The following CALCRL variants were observed in gnomAD, a reference collection of about 807,000 sequenced individuals.
CALCRL encodes the protein calcitonin receptor like receptor.
A neutral mutation model predicts 60.4 loss-of-function variants in CALCRL; 27 were observed. The ratio of observed to expected loss-of-function variants is 0.45; its 90% CI spans 0.33 to 0.62. CALCRL has a LOEUF of 0.62. CALCRL is among the 20% of genes least tolerant of loss of function. CALCRL has a pLI of 0.03. For missense variants in CALCRL, 424 were observed against 540.7 expected (o/e 0.78, Z 2.14); for synonymous variants, 190 against 182.6 (o/e 1.04, Z -0.33).
At position 187,352,140 on chromosome 2, in the gene CALCRL, TGTA is replaced by T; in HGVS notation, c.1099_1101del (p.Tyr367del). 2 of 1,612,308 alleles carry T rather than the reference TGTA, an allele frequency of 1.2e-6. No individual in the cohort carries two copies. The highest frequency in any genetic ancestry group is 1.7e-6 in the Non-Finnish European group (2 of 1,178,790). On this transcript the variant is annotated inframe_deletion, in exon 13 of 15. Transcript: ENST00000392370. ...TGGAAGTGCATAAGGATGTGCATGA[TGTA>T]GTCATATACCTCCTCTGCAATCTTT... is the stretch of plus-strand genomic sequence containing the variant.
At chr2:187,385,006 T>C (rs1688149012) in intron 4 of CALCRL, among the ~76,000 whole-genome samples, 1 of 152,194 alleles carries the variant, frequency 6.6e-6, no homozygotes, top group African/African-American at 2.4e-5. Flanking sequence ...TGTATACATG[T>C]AGAGGGGCAG....
intron 3 of CALCRL, 98 bp from the exon 4 acceptor site, chr2:187,385,729 T>G (rs1688178799): frequency 1.5e-6 from 1 of 667,040 alleles, no homozygotes. Context: ...ACACAATAAT[T>G]CAATAATTTT....
intron 1 of CALCRL, chr2:187,415,705 G>T: frequency 1.8e-6 from 1 of 571,308 alleles, no homozygotes; most frequent in South Asian, 1.8e-5. Context: ...CTTCAACAGT[G>T]ACACCCACTC....
intron 1 of CALCRL, among the ~76,000 whole-genome samples, chr2:187,405,779 C>T (rs1574284702): frequency 1.3e-5 from 2 of 152,120 alleles, no homozygotes; most frequent in Middle Eastern, 3.4e-3. Context: ...GAAAGAAAAG[C>T]TTGCAGCCAG....
At chr2:187,372,416 G>C (rs545635120) in intron 8 of CALCRL, among the ~76,000 whole-genome samples, 1 of 151,224 alleles carries the variant, frequency 6.6e-6, no homozygotes, top group African/African-American at 2.4e-5. Context: ...CTAAAGTTAC[G>C]TCTCTTTCTC....
intron 1 of CALCRL, among the ~76,000 whole-genome samples, chr2:187,435,706 A>T (rs1690607327): frequency 6.6e-6 from 1 of 152,164 alleles, no homozygotes; most frequent in Non-Finnish European, 1.5e-5. Flanking sequence ...TCTGGATCGG[A>T]GATGGAGCTG....
rs760016081 is a variant in CALCRL, at chr2:187,345,884, C to T, written c.*300G>A. ...ATGGTGTGCTGGAACTGGCTTACAC[C>T]AGCTCAGAAAAGTTGATTGTGCTTT... On this transcript the variant is annotated 3_prime_UTR_variant, in exon 15 of 15. Transcript: ENST00000392370. 2.2e-4 allele frequency: 53 copies of T among 241,652 alleles called. No individual in the cohort carries two copies. Among genetic ancestry groups the T allele is most frequent in the Admixed American group, 5.2e-4 (10 of 19,134 alleles). 15.0% of individuals were successfully genotyped at this position (241,652 alleles called of 1,614,324 possible).
chr2:187,383,280 T>C lies in CALCRL; in HGVS notation c.77A>G (p.Glu26Gly). ...CAACTGAATTGAGTCCTCAGGACTC[T>C]CTTCTAATTCTGCTGTAACAAGAAT... ...FMILVTAELEESPEDSIQLGV... is the reference protein window; with the variant it reads ...FMILVTAELEGSPEDSIQLGV... Residue 26 changes from glutamate to glycine, a missense_variant, in exon 5 of 15, where the codon GAG becomes GGG. By Grantham distance (98) the Glu-to-Gly change is moderately conservative. This residue lies in a region of CALCRL where 108 missense variants were observed against 132.9 expected (regional missense o/e 0.81). Transcript: ENST00000392370. 1 of 1,603,388 alleles carries C rather than the reference T, an allele frequency of 6.2e-7. No individual in the cohort carries two copies. Among genetic ancestry groups the C allele is most frequent in the Admixed American group, 1.7e-5 (1 of 58,230 alleles).
At chr2:187,346,568 T>A (rs554691096) in intron 14 of CALCRL, among the ~76,000 whole-genome samples, 169 bp from the exon 15 acceptor site, 96 of 151,996 alleles carry the variant, frequency 6.3e-4, no homozygotes, top group African/African-American at 2.2e-3. Context: ...AAATTAAGTG[T>A]ACCATCTTCA....
chr2:187,363,678 T>A (rs940506473), intron 8 of CALCRL, among the ~76,000 whole-genome samples, 176 bp from the exon 9 acceptor site: 9 of 152,166 alleles, frequency 5.9e-5, no homozygotes, highest in African/African-American at 2.2e-4. Flanking sequence ...TGTAAGTGCT[T>A]AAAACCTAGA....
At chr2:187,353,948 C>A (rs1331248699) in intron 12 of CALCRL, among the ~76,000 whole-genome samples, 9 of 39,942 alleles carry the variant, frequency 2.3e-4, no homozygotes, top group African/African-American at 1.1e-3. Flanking sequence ...CTAGAGTTGA[C>A]AATAGAGTTT....
At chr2:187,386,223 G>T (rs960623938) in intron 3 of CALCRL, among the ~76,000 whole-genome samples, 1 of 151,886 alleles carries the variant, frequency 6.6e-6, no homozygotes, top group African/African-American at 2.4e-5. Context: ...TTACAATAGA[G>T]AGTTTTTCAT....
chr2:187,422,053 A>G (rs575651365), intron 1 of CALCRL, among the ~76,000 whole-genome samples: 1 of 152,342 alleles, frequency 6.6e-6, no homozygotes, highest in South Asian at 2.1e-4. Flanking sequence ...ATTGTCAGGA[A>G]TTCACTGATG....
chr2:187,415,721 C>T, intron 1 of CALCRL: 1 of 543,626 alleles, frequency 1.8e-6, no homozygotes, highest in Admixed American at 2.5e-5. Context: ...CACTCTTCCA[C>T]CTTCAGTGAG....
rs1686563373 is a variant in CALCRL at position 187,352,163 on chromosome 2, A to G, written c.1079T>C (p.Ile360Thr). 6.8e-6 allele frequency: 11 copies of G among 1,612,454 alleles called. No individual in the cohort carries two copies. The highest frequency in any genetic ancestry group is 4.5e-5 in the East Asian group (2 of 44,820). ...VLIPWRPEGK[I>T]AEEVYDYIMH... ...GATGTAGTCATATACCTCCTCTGCA[A>G]TCTTTCCTTCAGGTCGCCATGGAAT... is the stretch of plus-strand genomic sequence containing the variant. The change falls in exon 13 of 15, where the codon ATT (isoleucine) becomes ACT (threonine). Residue 360 changes from isoleucine to threonine, a missense_variant. Ile to Thr is a moderately conservative substitution (Grantham distance 89). Transcript: ENST00000392370.
chr2:187,400,796 T>C (rs1488360553), intron 1 of CALCRL, among the ~76,000 whole-genome samples: 2 of 151,438 alleles, frequency 1.3e-5, no homozygotes, highest in African/African-American at 4.8e-5. Context: ...AAGAAACATA[T>C]TATATGATTC....
At chr2:187,385,837 A>G (rs535167064) in intron 3 of CALCRL, among the ~76,000 whole-genome samples, 1 of 152,070 alleles carries the variant, frequency 6.6e-6, no homozygotes, top group East Asian at 1.9e-4. Context: ...TGCAGCCTGG[A>G]CTTCCCGAGT....
chr2:187,407,937 C>A (rs1689204226), intron 1 of CALCRL, among the ~76,000 whole-genome samples: 1 of 152,060 alleles, frequency 6.6e-6, no homozygotes, highest in South Asian at 2.1e-4. Context: ...ATGTTCCCAC[C>A]TCTATATGTT....
chr2:187,361,789 A>C (rs990278992), intron 9 of CALCRL, among the ~76,000 whole-genome samples: 2 of 152,014 alleles, frequency 1.3e-5, no homozygotes, highest in Non-Finnish European at 2.9e-5. Context: ...TACATCAATC[A>C]AATCTACAAC....
Sources: allele counts gnomAD v4.1 joint callset (sites outside exome capture counted in the v4.1 genomes callset), GRCh38; gene constraint gnomAD v4.1.1; regional missense constraint gnomAD v4.1.1; transcripts MANE v1.5; gene names NCBI Gene and HGNC (gene_info 2026-07-23, HGNC 2026-07-21).